The following MAP3K1 variants were observed in gnomAD, a reference collection of about 807,000 sequenced individuals.
MAP3K1 encodes mitogen-activated protein kinase kinase kinase 1.
Under a neutral mutation model 144.2 loss-of-function variants are expected in MAP3K1, and 36 were observed. The ratio of observed to expected loss-of-function variants is 0.25; its 90% CI spans 0.19 to 0.33. The LOEUF is 0.33. MAP3K1 is among the 10% of genes least tolerant of loss of function. MAP3K1 has a pLI of 1.00. For synonymous variants in MAP3K1, 718 were observed against 688.7 expected, an observed-to-expected ratio of 1.04 and a Z score of -0.67; for missense variants, 1,650 against 1,881.9, an observed-to-expected ratio of 0.88 and a Z score of 2.28.
chr5:56,894,074 A>C lies in MAP3K1; in HGVS notation c.*394A>C, dbSNP rs1210614508. The C allele has an allele frequency of 2.9e-6, 1 of 339,814 alleles. No individual in the cohort carries two copies. The highest frequency in any genetic ancestry group is 5.5e-6 in the Non-Finnish European group (1 of 181,500). 21.0% of individuals were successfully genotyped at this position (339,814 alleles called of 1,614,324 possible). A position where few individuals can be genotyped will look rare whatever the true frequency, so the allele number is the denominator to read the frequency against. On this transcript the variant is annotated 3_prime_UTR_variant, in exon 20 of 20. Coordinates refer to ENST00000399503, the MANE Select transcript of MAP3K1 (RefSeq NM_005921.2). ...TCCATTTCATATAGTGATCACAAGCAGGGGGTTCTGCAATTCCGTTCAAAT... is the reference window on the plus strand; with the variant it reads ...TCCATTTCATATAGTGATCACAAGCCGGGGGTTCTGCAATTCCGTTCAAAT...
chr5:56,847,114 A>G (rs562651192), intron 1 of MAP3K1, among the ~76,000 whole-genome samples: 30 of 152,232 alleles, frequency 2.0e-4, no homozygotes, highest in African/African-American at 7.2e-4. Flanking sequence ...ACCTTTTTGC[A>G]TTTTATCTTT....
At chr5:56,854,337 G>T (rs1747266894) in intron 1 of MAP3K1, among the ~76,000 whole-genome samples, 1 of 146,936 alleles carries the variant, frequency 6.8e-6, no homozygotes, top group Non-Finnish European at 1.5e-5. Flanking sequence ...GAAGGCTGAG[G>T]CAGGAGAATC....
intron 6 of MAP3K1, among the ~76,000 whole-genome samples, chr5:56,870,173 C>G (rs1411852357): frequency 6.6e-6 from 1 of 152,064 alleles, no homozygotes. Flanking sequence ...TTTGCACCAA[C>G]CTAATAGTTT....
chr5:56,860,525 T>G (rs1391235131), intron 3 of MAP3K1, among the ~76,000 whole-genome samples: 5 of 152,182 alleles, frequency 3.3e-5, no homozygotes, highest in Non-Finnish European at 7.3e-5. Flanking sequence ...GACATTTTTC[T>G]TAAGGTGAAT....
At chr5:56,834,054 T>G (rs983918231) in intron 1 of MAP3K1, among the ~76,000 whole-genome samples, 4 of 152,200 alleles carry the variant, frequency 2.6e-5, no homozygotes, top group African/African-American at 9.6e-5. Context: ...GAAAGGTCAC[T>G]CAGGTAAAAC....
intron 1 of MAP3K1, among the ~76,000 whole-genome samples, chr5:56,826,161 T>C (rs1263333223): frequency 6.6e-6 from 1 of 152,166 alleles, no homozygotes; most frequent in South Asian, 2.1e-4. Context: ...TCTAGAATAC[T>C]CTTTCCAGCT....
intron 1 of MAP3K1, among the ~76,000 whole-genome samples, chr5:56,836,259 C>G (rs1052095658): frequency 6.6e-6 from 1 of 152,086 alleles, no homozygotes; most frequent in Admixed American, 6.6e-5. Flanking sequence ...TCCTAATTGT[C>G]GCTTTTAAAT....
chr5:56,889,343 AT>A (rs1432269958), intron 19 of MAP3K1, among the ~76,000 whole-genome samples: 2 of 151,956 alleles, frequency 1.3e-5, no homozygotes, highest in African/African-American at 2.4e-5. Flanking sequence ...TAATTTTTGT[AT>A]TTTTAGTAGA....
chr5:56,849,341 CCTCT>C (rs1263733767), intron 1 of MAP3K1, among the ~76,000 whole-genome samples: 1 of 139,488 alleles, frequency 7.2e-6, no homozygotes, highest in East Asian at 2.0e-4. Flanking sequence ...AGAGCCAAAC[CCTCT>C]CTGTCTTTAA....
intron 1 of MAP3K1, among the ~76,000 whole-genome samples, chr5:56,833,847 C>T (rs938810270): frequency 6.6e-6 from 1 of 152,006 alleles, no homozygotes; most frequent in Non-Finnish European, 1.5e-5. Context: ...GACTTCTGTT[C>T]ATTTATTCTG....
intron 9 of MAP3K1, among the ~76,000 whole-genome samples, chr5:56,874,711 T>G (rs1747967213): frequency 6.6e-6 from 1 of 152,112 alleles, no homozygotes; most frequent in Non-Finnish European, 1.5e-5. Context: ...GTTTTCACAG[T>G]TTTTTGGCGT....
chr5:56,860,570 A>C (rs970630860), intron 3 of MAP3K1, among the ~76,000 whole-genome samples: 1 of 152,182 alleles, frequency 6.6e-6, no homozygotes, highest in Non-Finnish European at 1.5e-5. Context: ...AAGCAACTTA[A>C]GGCTGGGAGC....
intron 6 of MAP3K1, among the ~76,000 whole-genome samples, chr5:56,867,795 A>AT (rs1300369436): frequency 6.6e-6 from 1 of 152,206 alleles, no homozygotes; most frequent in Admixed American, 6.5e-5. Context: ...AGCCTCACAT[A>AT]TATCATATAT....
chr5:56,893,424 C>T, intron 19 of MAP3K1, 107 bp from the exon 20 acceptor site: 1 of 1,200,326 alleles, frequency 8.3e-7, no homozygotes. Context: ...GCTTCAGTTC[C>T]TCTCTGTTCA....
At chr5:56,873,332 C>T (rs944053638) in intron 9 of MAP3K1, among the ~76,000 whole-genome samples, 3 of 152,168 alleles carry the variant, frequency 2.0e-5, no homozygotes, top group Admixed American at 6.5e-5. Context: ...GTTTAATCCC[C>T]GTGCCTGCCA....
intron 14 of MAP3K1, 29 bp downstream of exon 14, chr5:56,882,895 A>AC: frequency 6.4e-7 from 1 of 1,566,698 alleles, no homozygotes; most frequent in Non-Finnish European, 8.7e-7. Context: ...AGAGGTTAGA[A>AC]AACTTCCTTG....
chr5:56,831,625 C>T lies in MAP3K1; in HGVS notation c.482+15570C>T, dbSNP rs550866381. Among the ~76,000 whole-genome samples, 225 of 152,260 alleles carry T rather than the reference C, an allele frequency of 1.5e-3. 1 individual carries two copies. The highest frequency in any genetic ancestry group is 2.7e-3 in the Non-Finnish European group (181 of 68,018). ...GAATCATTTCCTTTTTCTTTTAGAA[C>T]ATTAAACATTAATCCTTTTGAGTAT... is the stretch of plus-strand genomic sequence containing the variant. On this transcript the variant is annotated intron_variant, in intron 1 of 19. Transcript: ENST00000399503.
intron 9 of MAP3K1, among the ~76,000 whole-genome samples, chr5:56,873,744 G>A (rs1345361353): frequency 6.6e-6 from 1 of 152,178 alleles, no homozygotes; most frequent in Admixed American, 6.5e-5. Flanking sequence ...TTAACACATT[G>A]AGCTTATATA....
chr5:56,868,497 G>A (rs1397092718), intron 6 of MAP3K1, among the ~76,000 whole-genome samples: 2 of 152,000 alleles, frequency 1.3e-5, no homozygotes, highest in Non-Finnish European at 2.9e-5. Flanking sequence ...CCATTCTCCT[G>A]CCTCAGCCTC....
Sources: allele counts gnomAD v4.1 joint callset (sites outside exome capture counted in the v4.1 genomes callset), GRCh38; gene constraint gnomAD v4.1.1; transcripts MANE v1.5; gene names NCBI Gene and HGNC (gene_info 2026-07-23, HGNC 2026-07-21).